The following RSPO2 variants were observed in gnomAD, a reference collection of about 807,000 sequenced individuals.
RSPO2 encodes R-spondin 2.
A neutral mutation model predicts 30.9 loss-of-function variants in RSPO2; 14 were observed. The ratio of observed to expected loss-of-function variants is 0.45; its 90% CI spans 0.30 to 0.71. The LOEUF is 0.71. RSPO2 is among the 30% of genes least tolerant of loss of function. The pLI is 0.08. For missense variants in RSPO2, 264 were observed against 301.9 expected (o/e 0.87, Z 0.93); for synonymous variants, 107 against 96.4 (o/e 1.11, Z -0.64).
intron 3 of RSPO2, among the ~76,000 whole-genome samples, chr8:107,976,634 G>A (rs1814222374): frequency 6.6e-6 from 1 of 152,090 alleles, no homozygotes; most frequent in South Asian, 2.1e-4. Context: ...TTAGACATGA[G>A]GACACTGGGG....
intron 2 of RSPO2, among the ~76,000 whole-genome samples, chr8:108,041,089 C>T (rs771299808): frequency 3.3e-5 from 5 of 150,568 alleles, no homozygotes; most frequent in Non-Finnish European, 7.4e-5. Context: ...AAATGCGGGG[C>T]TTGTCTAGAG....
intron 5 of RSPO2, among the ~76,000 whole-genome samples, chr8:107,947,603 G>A (rs933408470): frequency 2.0e-5 from 3 of 152,126 alleles, no homozygotes; most frequent in African/African-American, 7.2e-5. Context: ...AGTATTCTCT[G>A]CTAATTCTCT....
chr8:108,070,448 G>T (rs942319446), intron 2 of RSPO2, among the ~76,000 whole-genome samples: 4 of 151,496 alleles, frequency 2.6e-5, no homozygotes, highest in African/African-American at 9.7e-5. Flanking sequence ...GCCCGCCACC[G>T]CGCCCGGCTA....
At chr8:107,996,686 GAAGTA>G (rs1012084992) in intron 2 of RSPO2, among the ~76,000 whole-genome samples, 19 of 152,230 alleles carry the variant, frequency 1.2e-4, no homozygotes, top group African/African-American at 4.6e-4. Context: ...TCCACAGTAA[GAAGTA>G]TAGAGAAAAG....
chr8:108,030,737 C>A (rs1417650549), intron 2 of RSPO2, among the ~76,000 whole-genome samples: 2 of 152,132 alleles, frequency 1.3e-5, no homozygotes, highest in Non-Finnish European at 2.9e-5. Flanking sequence ...ACTCCTAATC[C>A]AGCCAGTTGA....
At chr8:108,043,599 G>GA (rs5893902) in intron 2 of RSPO2, among the ~76,000 whole-genome samples, 2,189 of 147,928 alleles carry the variant, frequency 0.015, 33 homozygotes, top group African/African-American at 0.04. Flanking sequence ...AAGTATCTTG[G>GA]AAAAAAAAAA....
At chr8:108,037,666 AG>A (rs1563574197) in intron 2 of RSPO2, among the ~76,000 whole-genome samples, 3 of 152,230 alleles carry the variant, frequency 2.0e-5, no homozygotes, top group African/African-American at 7.2e-5. Flanking sequence ...TTCAAAGAAC[AG>A]GCTGACTCTC....
intron 2 of RSPO2, among the ~76,000 whole-genome samples, chr8:108,017,870 A>G (rs190244311): frequency 6.6e-6 from 1 of 152,344 alleles, no homozygotes. Context: ...GGAGGAAAAC[A>G]TACAGCTGAA....
At chr8:107,906,054 G>A (rs1277096518) in intron 5 of RSPO2, among the ~76,000 whole-genome samples, 1 of 151,944 alleles carries the variant, frequency 6.6e-6, no homozygotes, top group Non-Finnish European at 1.5e-5. Flanking sequence ...TTGTAAGAAT[G>A]TCATGAGACA....
intron 3 of RSPO2, among the ~76,000 whole-genome samples, chr8:107,987,782 A>G (rs1192775708): frequency 6.6e-6 from 1 of 152,126 alleles, no homozygotes; most frequent in African/African-American, 2.4e-5. Context: ...CTTCCAAAAT[A>G]ATATTGTCCT....
At chr8:107,925,391 T>C (rs547981821) in intron 5 of RSPO2, among the ~76,000 whole-genome samples, 106 of 151,184 alleles carry the variant, frequency 7.0e-4, no homozygotes, top group African/African-American at 2.4e-3. Flanking sequence ...TTTTTTTCTT[T>C]TATATATATA....
At chr8:108,043,361 A>G (rs1051225689) in intron 2 of RSPO2, among the ~76,000 whole-genome samples, 14 of 152,302 alleles carry the variant, frequency 9.2e-5, no homozygotes, top group African/African-American at 3.1e-4. Flanking sequence ...AGTGAGAGGC[A>G]CTGGTCTGCC....
intron 2 of RSPO2, among the ~76,000 whole-genome samples, chr8:108,000,789 T>C (rs1815216999): frequency 6.6e-6 from 1 of 151,818 alleles, no homozygotes; most frequent in Admixed American, 6.6e-5. Context: ...ATCACCAGGT[T>C]AGGAGATTGA....
At chr8:108,028,002 A>G (rs968432200) in intron 2 of RSPO2, among the ~76,000 whole-genome samples, 2 of 152,170 alleles carry the variant, frequency 1.3e-5, no homozygotes, top group Non-Finnish European at 2.9e-5. Context: ...GACCAGCCCT[A>G]CATGAAGCCA....
chr8:107,973,475 G>A (rs915768297), intron 3 of RSPO2, among the ~76,000 whole-genome samples: 2 of 151,724 alleles, frequency 1.3e-5, no homozygotes, highest in African/African-American at 4.8e-5. Context: ...CTATGCCAAA[G>A]GGAAAGTAAA....
At chr8:107,948,014 A>G (rs545825937) in intron 5 of RSPO2, among the ~76,000 whole-genome samples, 4 of 152,320 alleles carry the variant, frequency 2.6e-5, no homozygotes, top group Admixed American at 2.0e-4. Flanking sequence ...TCCTAATATA[A>G]GTTATCCTCT....
At chr8:108,051,984 G>C (rs143335767) in intron 2 of RSPO2, among the ~76,000 whole-genome samples, 1 of 152,114 alleles carries the variant, frequency 6.6e-6, no homozygotes, top group East Asian at 1.9e-4. Flanking sequence ...TGTTATATTG[G>C]TTTGTATGTA....
intron 5 of RSPO2, among the ~76,000 whole-genome samples, chr8:107,901,683 C>T (rs2130238125): frequency 6.6e-6 from 1 of 152,350 alleles, no homozygotes; most frequent in Admixed American, 6.5e-5. Flanking sequence ...ATTCCAAATA[C>T]CAATGTATAA....
intron 2 of RSPO2, among the ~76,000 whole-genome samples, chr8:108,076,337 T>A (rs1813013992): frequency 6.6e-6 from 1 of 152,196 alleles, no homozygotes; most frequent in Admixed American, 6.5e-5. Flanking sequence ...GTTTAGGGTT[T>A]ATTAGCAGAG....
Sources: gnomAD v4.1 joint callset for allele counts (sites outside exome capture counted in the v4.1 genomes callset) on GRCh38, gnomAD v4.1.1 for gene constraint, MANE v1.5 for transcripts, NCBI Gene and HGNC (gene_info 2026-07-23, HGNC 2026-07-21) for gene names.